Variants in C3orf70 observed in about 807,000 individuals in gnomAD.
C3orf70 encodes chromosome 3 open reading frame 70, also known as UPF0524 protein C3orf70.
A neutral mutation model predicts 20.7 loss-of-function variants in C3orf70; 15 were observed. That is an observed-to-expected ratio of 0.72 (90% confidence interval 0.48 to 1.11). The LOEUF (loss-of-function observed/expected upper bound fraction) is 1.11, where lower values mean the gene tolerates loss of function less well. Ranked by LOEUF, C3orf70 falls within the 50% of genes most tolerant of loss-of-function variation. The pLI, the probability that C3orf70 is intolerant of heterozygous loss-of-function variation, is 0.00. For synonymous variants in C3orf70, 161 were observed against 125.7 expected, an observed-to-expected ratio of 1.28 and a Z score of -1.88; for missense variants, 332 against 317.6, an observed-to-expected ratio of 1.05 and a Z score of -0.34.
chr3:185,132,832 T>C (rs1046698811), intron 1 of C3orf70, among the ~76,000 whole-genome samples: 4 of 152,038 alleles, frequency 2.6e-5, no homozygotes, highest in Non-Finnish European at 4.4e-5. Flanking sequence ...CAGAGAAATG[T>C]AGAACACCAA....
intron 1 of C3orf70, among the ~76,000 whole-genome samples, chr3:185,108,580 C>G (rs1451750575): frequency 6.6e-6 from 1 of 152,234 alleles, no homozygotes; most frequent in African/African-American, 2.4e-5. Context: ...AATCAAATGG[C>G]CAATCGCCTA....
intron 1 of C3orf70, among the ~76,000 whole-genome samples, chr3:185,142,860 G>T (rs1279621143): frequency 2.0e-5 from 3 of 152,012 alleles, no homozygotes; most frequent in Non-Finnish European, 4.4e-5. Context: ...ATCTAATCAC[G>T]ATGAAACAAT....
rs1268654623 is a variant in C3orf70, at chr3:185,077,792, G to GGGT, written c.*5214_*5215insACC. 2.0e-5 allele frequency among the ~76,000 whole-genome samples: 3 copies of GGGT among 150,522 alleles called. No homozygotes were observed. The highest frequency in any genetic ancestry group is 3.0e-5 in the Non-Finnish European group (2 of 67,582). Reference sequence around the variant, plus strand: ...AATAAATGCTATTTGGTGGTGGTGGGGGGGGGGTATCAAGTTTTATTTGCT... The same window carrying GGGT: ...AATAAATGCTATTTGGTGGTGGTGGGGGTGGGGGGGTATCAAGTTTTATTTGCT... On this transcript the variant is annotated 3_prime_UTR_variant, in exon 2 of 2. Coordinates refer to ENST00000335012, the MANE Select transcript of C3orf70 (RefSeq NM_001025266.3).
intron 1 of C3orf70, among the ~76,000 whole-genome samples, chr3:185,091,904 CACACAT>C (rs1561330513): frequency 1.3e-5 from 1 of 78,120 alleles, no homozygotes; most frequent in Non-Finnish European, 2.6e-5. Flanking sequence ...CATACACACA[CACACAT>C]ACATATATAT....
chr3:185,093,814 G>A (rs938442605), intron 1 of C3orf70, among the ~76,000 whole-genome samples: 4 of 152,014 alleles, frequency 2.6e-5, no homozygotes, highest in African/African-American at 4.8e-5. Context: ...GGGATGGTGA[G>A]GTGACTGGCC....
Position 185,079,248 on chromosome 3 carries a change from T to C in C3orf70, c.*3759A>G, listed in dbSNP as rs983655721. Reference sequence around the variant, plus strand: ...GTGAGCCGAGATCGCGCCACTGCACTCCAGCCTGGGTGAAGGAGCGAGACT... The same window carrying C: ...GTGAGCCGAGATCGCGCCACTGCACCCCAGCCTGGGTGAAGGAGCGAGACT... On this transcript the variant is annotated 3_prime_UTR_variant, in exon 2 of 2. Coordinates refer to ENST00000335012, the MANE Select transcript of C3orf70 (RefSeq NM_001025266.3). The C allele has an allele frequency of 3.1e-5, 4 of 127,408 alleles. No homozygotes were observed. Among genetic ancestry groups the C allele is most frequent in the Non-Finnish European group, 4.7e-5 (3 of 64,370 alleles). The allele number at this position is 127,408 out of a possible 1,614,324, so 7.9% of individuals were successfully genotyped here. A position where few individuals can be genotyped will look rare whatever the true frequency, so the allele number is the denominator to read the frequency against.
chr3:185,108,181 G>T (rs893421001), intron 1 of C3orf70, among the ~76,000 whole-genome samples: 1 of 152,104 alleles, frequency 6.6e-6, no homozygotes, highest in Non-Finnish European at 1.5e-5. Context: ...TAACTAATTA[G>T]ATTCTCCCTA....
chr3:185,095,701 T>G (rs1452178993), intron 1 of C3orf70, among the ~76,000 whole-genome samples: 1 of 151,940 alleles, frequency 6.6e-6, no homozygotes, highest in Non-Finnish European at 1.5e-5. Context: ...AACCTCATTT[T>G]CAATATAAAA....
intron 1 of C3orf70, among the ~76,000 whole-genome samples, chr3:185,135,590 G>A (rs145816148): frequency 4.4e-4 from 67 of 152,328 alleles, no homozygotes; most frequent in African/African-American, 1.4e-3. Context: ...GCAGAGTAGC[G>A]TAACTATAGT....
intron 1 of C3orf70, among the ~76,000 whole-genome samples, chr3:185,125,596 C>A (rs928270172): frequency 6.6e-6 from 1 of 152,106 alleles, no homozygotes; most frequent in Non-Finnish European, 1.5e-5. Flanking sequence ...TAGAAACAAT[C>A]CAAATATCCA....
rs914042007 is a variant in C3orf70 at position 185,152,847 on chromosome 3, G to A, written c.-24C>T. Reference sequence around the variant, plus strand: ...ATTTCCTCTCCCTCCGCGCGGAGCCGACACCGGGAGCCCGGGAGAAGCGAC... The same window carrying A: ...ATTTCCTCTCCCTCCGCGCGGAGCCAACACCGGGAGCCCGGGAGAAGCGAC... On this transcript the variant is annotated 5_prime_UTR_variant, in exon 1 of 2. Transcript: ENST00000335012. The A allele has an allele frequency of 2.0e-6, 3 of 1,496,428 alleles. No homozygotes were observed. The highest frequency in any genetic ancestry group is 2.6e-5 in the South Asian group (2 of 77,330). 92.7% of individuals were successfully genotyped at this position (1,496,428 alleles called of 1,614,324 possible).
chr3:185,098,445 C>T (rs979943387), intron 1 of C3orf70, among the ~76,000 whole-genome samples: 1 of 152,164 alleles, frequency 6.6e-6, no homozygotes, highest in Non-Finnish European at 1.5e-5. Flanking sequence ...ATTAGGATTT[C>T]ATTACTTTGG....
chr3:185,077,125 G>A lies in C3orf70; in HGVS notation c.*5882C>T, dbSNP rs1328942489. ...AGATATTTGCAGAGACATGGTATAG[G>A]GTGCGGGGTGGGGGGGCACTGTATG... On this transcript the variant is annotated 3_prime_UTR_variant, in exon 2 of 2. Transcript: ENST00000335012. 6.6e-6 allele frequency among the ~76,000 whole-genome samples: 1 copy of A among 152,136 alleles called. No individual in the cohort carries two copies. Among genetic ancestry groups the A allele is most frequent in the Non-Finnish European group, 1.5e-5 (1 of 68,036 alleles).
In C3orf70 at chr3:185,079,306, T is replaced by TAAAAAAAAAAAAAAAAAAAAAAAAAA. The variant is rs1321535800; in HGVS notation, c.*3700_*3701insTTTTTTTTTTTTTTTTTTTTTTTTTT. 6.7e-4 allele frequency: 82 copies of TAAAAAAAAAAAAAAAAAAAAAAAAAA among 122,764 alleles called. No homozygotes were observed. Among genetic ancestry groups the TAAAAAAAAAAAAAAAAAAAAAAAAAA allele is most frequent in the Non-Finnish European group, 9.4e-4 (56 of 59,536 alleles). 7.6% of individuals were successfully genotyped at this position (122,764 alleles called of 1,614,324 possible). On this transcript the variant is annotated 3_prime_UTR_variant, in exon 2 of 2. Transcript: ENST00000335012. The stretch of plus-strand genomic sequence containing the variant: ...AAAAAAAAAAAAAAAAAAAAAAAAG[T>TAAAAAAAAAAAAAAAAAAAAAAAAAA]AAAGCCACCACTCCCAAGATAGAAT...
At chr3:185,114,499 T>G (rs146715785) in intron 1 of C3orf70, among the ~76,000 whole-genome samples, 2 of 152,336 alleles carry the variant, frequency 1.3e-5, no homozygotes, top group East Asian at 3.9e-4. Context: ...AGTAGAATCT[T>G]GATTTTAATG....
chr3:185,089,516 C>A (rs1266214523), intron 1 of C3orf70, among the ~76,000 whole-genome samples: 1 of 152,160 alleles, frequency 6.6e-6, no homozygotes, highest in South Asian at 2.1e-4. Flanking sequence ...TACACACATT[C>A]TTCAGATTGT....
intron 1 of C3orf70, among the ~76,000 whole-genome samples, chr3:185,126,151 A>G (rs546623523): frequency 6.6e-6 from 1 of 152,312 alleles, no homozygotes; most frequent in Non-Finnish European, 1.5e-5. Context: ...ATCGCTAACA[A>G]TTCTATAATG....
chr3:185,144,395 G>A (rs996487392), intron 1 of C3orf70, among the ~76,000 whole-genome samples: 3 of 152,138 alleles, frequency 2.0e-5, no homozygotes, highest in African/African-American at 7.2e-5. Flanking sequence ...ACTGCTTTTT[G>A]CTTTTTTTGG....
At chr3:185,110,002 C>T (rs963260207) in intron 1 of C3orf70, among the ~76,000 whole-genome samples, 1 of 152,110 alleles carries the variant, frequency 6.6e-6, no homozygotes, top group African/African-American at 2.4e-5. Context: ...CTGCATGCCA[C>T]GGCCACACTA....
Sources: gnomAD v4.1 joint callset for allele counts (sites outside exome capture counted in the v4.1 genomes callset) on GRCh38, gnomAD v4.1.1 for gene constraint, MANE v1.5 for transcripts, NCBI Gene and HGNC (gene_info 2026-07-23, HGNC 2026-07-21) for gene names.